ACBD5: variants seen among roughly 807,000 people sequenced by gnomAD.
ACBD5 encodes acyl-CoA-binding domain-containing protein 5.
In ACBD5, 40 loss-of-function variants were observed where a neutral mutation model predicts 71.8. That is an observed-to-expected ratio of 0.56 (90% CI 0.43 to 0.72). The LOEUF (loss-of-function observed/expected upper bound fraction) is 0.72. Among genes scored for constraint, ACBD5 ranks in the 30% least tolerant of loss-of-function variants. ACBD5 has a pLI of 0.00. For synonymous variants in ACBD5, 229 were observed against 218.6 expected (o/e 1.05, Z -0.42); for missense variants, 559 against 644.5 (o/e 0.87, Z 1.44).
intron 12 of ACBD5, among the ~76,000 whole-genome samples, chr10:27,203,036 T>C (rs117356357): frequency 0.016 from 2,202 of 135,780 alleles, 121 homozygotes; most frequent in East Asian, 0.15. Context: ...TGTAGTGGCA[T>C]GATCATGACT....
At chr10:27,230,565 G>C (rs2063716435) in intron 4 of ACBD5, among the ~76,000 whole-genome samples, 1 of 152,162 alleles carries the variant, frequency 6.6e-6, no homozygotes, top group Non-Finnish European at 1.5e-5. Flanking sequence ...GGGAGGCCAA[G>C]GCAGGTGGAT....
At chr10:27,234,197 T>C (rs2138285045) in intron 3 of ACBD5, among the ~76,000 whole-genome samples, 1 of 152,358 alleles carries the variant, frequency 6.6e-6, no homozygotes. Flanking sequence ...CACGGATGAG[T>C]ACAGGTACCT....
At chr10:27,220,508 T>C (rs181913398) in intron 5 of ACBD5, 1 of 152,362 alleles carries the variant, frequency 6.6e-6, no homozygotes. Context: ...TAGGGTGATC[T>C]AAGATTCCAA....
rs770829262 is a variant in ACBD5 at position 27,240,426 on chromosome 10, G to C, written c.74C>G (p.Pro25Arg). ...CCCCLIPADR[P>R]WDRGQHWQLE... ...CTGCCAGTGTTGGCCCCGGTCCCAA[G>C]GTCTGTCGGCGGGAATCAGGCAGCA... The change falls in exon 2 of 13, where the codon CCT (proline) becomes CGT (arginine). Residue 25 changes from proline to arginine, a missense_variant. Coordinates refer to ENST00000396271, the MANE Select transcript of ACBD5 (RefSeq NM_145698.5). The surrounding 1 kb of genome is among the most constrained non-coding windows in gnomAD (Gnocchi z 4.1). The C allele has an allele frequency of 6.2e-7, 1 of 1,614,126 alleles. No individual in the cohort carries two copies. The highest frequency in any genetic ancestry group is 2.2e-5 in the East Asian group (1 of 44,862).
At chr10:27,202,281 T>C (rs920383029) in intron 12 of ACBD5, among the ~76,000 whole-genome samples, 5 of 152,188 alleles carry the variant, frequency 3.3e-5, no homozygotes, top group African/African-American at 1.2e-4. Flanking sequence ...ATTACATATA[T>C]AAGCAAACAA....
intron 4 of ACBD5, among the ~76,000 whole-genome samples, chr10:27,230,045 A>G (rs1443965651): frequency 6.6e-6 from 1 of 151,948 alleles, no homozygotes; most frequent in African/African-American, 2.4e-5. Context: ...TAATGTGTCA[A>G]TTCAACATTA....
chr10:27,228,944 G>A (rs1352789891), intron 4 of ACBD5, among the ~76,000 whole-genome samples: 5 of 147,782 alleles, frequency 3.4e-5, no homozygotes, highest in Non-Finnish European at 6.0e-5. Flanking sequence ...TCAGCCTCCC[G>A]AGTAGCTGGG....
chr10:27,214,622 T>C (rs1589144837), intron 8 of ACBD5, among the ~76,000 whole-genome samples: 1 of 152,216 alleles, frequency 6.6e-6, no homozygotes, highest in East Asian at 1.9e-4. Flanking sequence ...TTCATGGATG[T>C]CCTATAATTT....
intron 4 of ACBD5, among the ~76,000 whole-genome samples, chr10:27,226,047 A>T (rs1166144694): frequency 6.6e-6 from 1 of 152,200 alleles, no homozygotes; most frequent in Non-Finnish European, 1.5e-5. Flanking sequence ...AGCAAATATT[A>T]ACTGAGTATT....
chr10:27,182,865 C>T lies in ACBD5; in HGVS notation c.1494-150G>A, dbSNP rs150191022. Among the ~76,000 whole-genome samples the T allele has an allele frequency of 2.2e-3, 324 of 150,064 alleles. 3 individuals are homozygous for T. The highest frequency in any genetic ancestry group is 7.6e-3 in the African/African-American group (308 of 40,704). On this transcript the variant is annotated intron_variant, in intron 13 of 13. Transcript: ENST00000676511. ...GTCTCACTATGTTGCTTAGGCTGGT[C>T]TTGAACTCCTGGGCTCAAAGGATCC...
intron 12 of ACBD5, among the ~76,000 whole-genome samples, chr10:27,203,191 G>T (rs182082541): frequency 2.8e-4 from 43 of 151,406 alleles, no homozygotes; most frequent in Admixed American, 5.3e-4. Flanking sequence ...TCACTTTCTT[G>T]CCCAGGCTGT....
chr10:27,229,018 C>T (rs1322353835), intron 4 of ACBD5, among the ~76,000 whole-genome samples: 12 of 148,810 alleles, frequency 8.1e-5, no homozygotes, highest in Non-Finnish European at 1.5e-4. Flanking sequence ...GACGGGGTTT[C>T]GCCATGTTGG....
intron 10 of ACBD5, among the ~76,000 whole-genome samples, chr10:27,206,592 T>C (rs1017600239): frequency 6.6e-6 from 1 of 152,062 alleles, no homozygotes; most frequent in Non-Finnish European, 1.5e-5. Flanking sequence ...CTAGGCTCAC[T>C]GCAACCTCCG....
downstream of ACBD5, among the ~76,000 whole-genome samples, chr10:27,191,559 C>T (rs1280733062): frequency 2.6e-5 from 4 of 152,066 alleles, no homozygotes; most frequent in East Asian, 5.8e-4. Context: ...CTACTTTCCA[C>T]TTGATATTGT....
intron 4 of ACBD5, among the ~76,000 whole-genome samples, chr10:27,231,521 C>CA (rs2063860378): frequency 6.6e-6 from 1 of 151,986 alleles, no homozygotes; most frequent in Non-Finnish European, 1.5e-5. Flanking sequence ...CATCTCAAAA[C>CA]AAAAACAAAA....
chr10:27,210,939 A>G lies in ACBD5; in HGVS notation c.1079T>C (p.Val360Ala). 1.9e-6 allele frequency: 3 copies of G among 1,614,120 alleles called. No individual in the cohort carries two copies. Among genetic ancestry groups the G allele is most frequent in the Non-Finnish European group, 2.5e-6 (3 of 1,180,036 alleles). ...GACTTCACCTTTTCCTTCAACTGCA[A>G]CCACCTGCATATTCCCAATGTTGCC... is the stretch of plus-strand genomic sequence containing the variant. Reference protein sequence around the residue: ...GNGNIGNMQVVAVEGKGEVKH... With the variant: ...GNGNIGNMQVAAVEGKGEVKH... Residue 360 changes from valine to alanine, a missense_variant, in exon 9 of 13, where the codon GTT becomes GCT. Transcript: ENST00000396271.
intron 7 of ACBD5, among the ~76,000 whole-genome samples, chr10:27,217,562 C>G (rs2137356972): frequency 6.6e-6 from 1 of 151,386 alleles, no homozygotes; most frequent in African/African-American, 2.4e-5. Context: ...AACCTGTAAT[C>G]CTAGCACTTT....
chr10:27,183,369 C>T (rs959508195), intron 13 of ACBD5, among the ~76,000 whole-genome samples: 3 of 152,070 alleles, frequency 2.0e-5, no homozygotes, highest in East Asian at 1.9e-4. Context: ...CTGCAACCTC[C>T]GCCTCCCAGG....
chr10:27,239,992 T>G (rs1476741646), intron 2 of ACBD5, among the ~76,000 whole-genome samples: 1 of 152,102 alleles, frequency 6.6e-6, no homozygotes, highest in Non-Finnish European at 1.5e-5. Flanking sequence ...AGGTGATCCA[T>G]CCACCTCGGC....
Sources: allele counts gnomAD v4.1 joint callset (sites outside exome capture counted in the v4.1 genomes callset), GRCh38; gene constraint gnomAD v4.1.1; non-coding constraint Gnocchi (gnomAD v3.1); transcripts MANE v1.5; gene names NCBI Gene and HGNC (gene_info 2026-07-23, HGNC 2026-07-21).